The following FSTL5 variants were observed in gnomAD, a reference collection of about 807,000 sequenced individuals.
FSTL5 encodes the protein follistatin-related protein 5.
Under a neutral mutation model 89.1 loss-of-function variants are expected in FSTL5, and 62 were observed. The observed-to-expected ratio is 0.70, with a 90% CI of 0.57 to 0.86. The LOEUF is 0.86. Ranked by LOEUF, FSTL5 falls within the 40% of genes least tolerant of loss-of-function variation. The probability of loss-of-function intolerance (pLI) is 0.00; values close to 1 mark genes in which losing one functional copy is unlikely to be tolerated. For synonymous variants in FSTL5, 383 were observed against 346.2 expected, an observed-to-expected ratio of 1.11 and a Z score of -1.18; for missense variants, 1,057 against 1,001.6, an observed-to-expected ratio of 1.06 and a Z score of -0.75.
At chr4:162,138,170 C>A (rs1339057137) in intron 1 of FSTL5, among the ~76,000 whole-genome samples, 1 of 152,032 alleles carries the variant, frequency 6.6e-6, no homozygotes, top group East Asian at 1.9e-4. Flanking sequence ...TCTACAGAAG[C>A]CTTCTTGCTC....
chr4:162,163,667 A>G lies in FSTL5; in HGVS notation c.-69T>C, dbSNP rs1252197473. On this transcript the variant is annotated 5_prime_UTR_variant, in exon 1 of 16. Coordinates refer to ENST00000306100, the MANE Select transcript of FSTL5 (RefSeq NM_020116.5). ...CAGAAAGATTCCTAAACGCTGTGGAAATATAAATCACAATAAAAAAAAAAA... is the reference window on the plus strand; with the variant it reads ...CAGAAAGATTCCTAAACGCTGTGGAGATATAAATCACAATAAAAAAAAAAA... 1.3e-5 allele frequency: 2 copies of G among 148,652 alleles called. No individual in the cohort carries two copies. The highest frequency in any genetic ancestry group is 4.1e-4 in the East Asian group (2 of 4,904). The allele number at this position is 148,652 out of a possible 1,614,324, so 9.2% of individuals were successfully genotyped here. A position where few individuals can be genotyped will look rare whatever the true frequency, so the allele number is the denominator to read the frequency against.
chr4:161,840,969 C>T (rs990170146), intron 4 of FSTL5, among the ~76,000 whole-genome samples: 3 of 152,056 alleles, frequency 2.0e-5, no homozygotes, highest in African/African-American at 7.2e-5. Context: ...GCTATTTCTC[C>T]CCCAACACCT....
intron 7 of FSTL5, among the ~76,000 whole-genome samples, chr4:161,606,989 T>C (rs914045527): frequency 6.6e-5 from 10 of 152,148 alleles, no homozygotes; most frequent in African/African-American, 2.4e-4. Context: ...ATTTCCTCAT[T>C]AGGAGAGGCT....
chr4:162,056,399 T>A (rs980852007), intron 2 of FSTL5, among the ~76,000 whole-genome samples: 2 of 151,340 alleles, frequency 1.3e-5, no homozygotes, highest in African/African-American at 4.9e-5. Flanking sequence ...CAGGTATTCT[T>A]GGAGATAGCA....
rs541270034 is a variant in FSTL5, at chr4:161,670,286, A to G, written c.728-13792T>C. Among the ~76,000 whole-genome samples the G allele has an allele frequency of 1.8e-3, 280 of 152,264 alleles. 2 individuals are homozygous for G. The highest frequency in any genetic ancestry group is 0.01 in the South Asian group (49 of 4,826). ...ATCAGTTAATCAATACCCATTTCCT[A>G]TATGTTAACAAATGTGTTCAGTGCC... On this transcript the variant is annotated intron_variant, in intron 6 of 15. Transcript: ENST00000306100.
At chr4:162,086,234 G>A (rs147785834) in intron 2 of FSTL5, among the ~76,000 whole-genome samples, 111 of 152,026 alleles carry the variant, frequency 7.3e-4, no homozygotes, top group African/African-American at 2.5e-3. Flanking sequence ...CTCTCTGAAT[G>A]TCTTTATTTA....
chr4:161,486,614 T>A (rs556054783), intron 12 of FSTL5, among the ~76,000 whole-genome samples: 5 of 151,242 alleles, frequency 3.3e-5, no homozygotes, highest in Admixed American at 1.4e-4. Flanking sequence ...TACCCACTTG[T>A]TGTAACTGAA....
chr4:161,528,479 A>G (rs957217134), intron 10 of FSTL5, among the ~76,000 whole-genome samples: 8 of 142,884 alleles, frequency 5.6e-5, no homozygotes, highest in African/African-American at 1.5e-4. Flanking sequence ...GAATTCTGGT[A>G]TTTGGGTAAA....
chr4:161,631,120 A>C (rs2126656030), intron 7 of FSTL5, among the ~76,000 whole-genome samples: 1 of 152,292 alleles, frequency 6.6e-6, no homozygotes, highest in South Asian at 2.1e-4. Context: ...CCGGTGCCTT[A>C]TACCAAGATC....
intron 3 of FSTL5, among the ~76,000 whole-genome samples, chr4:161,932,645 T>C (rs1440625045): frequency 6.6e-6 from 1 of 151,960 alleles, no homozygotes; most frequent in South Asian, 2.1e-4. Context: ...TATAGCTCTA[T>C]AACTTTTGTT....
chr4:161,467,789 G>T (rs1056429774), intron 13 of FSTL5, among the ~76,000 whole-genome samples: 10 of 152,038 alleles, frequency 6.6e-5, no homozygotes, highest in African/African-American at 2.4e-4. Flanking sequence ...CTAAAGAGGC[G>T]CACAGGCTGA....
At chr4:161,778,508 A>T (rs1443261329) in intron 4 of FSTL5, among the ~76,000 whole-genome samples, 1 of 152,194 alleles carries the variant, frequency 6.6e-6, no homozygotes, top group Non-Finnish European at 1.5e-5. Context: ...TTCTCTTTCG[A>T]GACAAAATGG....
At chr4:161,690,242 A>G (rs1366124662) in intron 6 of FSTL5, among the ~76,000 whole-genome samples, 2 of 152,142 alleles carry the variant, frequency 1.3e-5, no homozygotes, top group African/African-American at 4.8e-5. Flanking sequence ...GTAGGGTTCC[A>G]ATTTTCTACC....
chr4:161,777,060 T>A (rs1741435931), intron 4 of FSTL5, among the ~76,000 whole-genome samples: 1 of 151,940 alleles, frequency 6.6e-6, no homozygotes, highest in Non-Finnish European at 1.5e-5. Flanking sequence ...CTGGTAACCA[T>A]CACTTTACTC....
chr4:161,806,019 G>T (rs563455774), intron 4 of FSTL5, among the ~76,000 whole-genome samples: 1 of 151,906 alleles, frequency 6.6e-6, no homozygotes, highest in African/African-American at 2.4e-5. Flanking sequence ...ATTAAACTTT[G>T]TCATAGGTAT....
chr4:161,659,379 C>A (rs927456224), intron 6 of FSTL5, among the ~76,000 whole-genome samples: 1 of 152,074 alleles, frequency 6.6e-6, no homozygotes, highest in Non-Finnish European at 1.5e-5. Context: ...ATCAAATGGG[C>A]TTTTCCTGAA....
chr4:161,740,733 C>T (rs1487345197), intron 6 of FSTL5, among the ~76,000 whole-genome samples: 1 of 152,066 alleles, frequency 6.6e-6, no homozygotes, highest in Non-Finnish European at 1.5e-5. Flanking sequence ...TTGTTTCATT[C>T]ATAAAATAGG....
intron 1 of FSTL5, among the ~76,000 whole-genome samples, chr4:162,115,157 C>G (rs1049123269): frequency 2.0e-5 from 3 of 152,092 alleles, no homozygotes; most frequent in Admixed American, 6.6e-5. Context: ...AGTTTCTGTG[C>G]TCCTCTTTTG....
intron 3 of FSTL5, among the ~76,000 whole-genome samples, chr4:161,976,413 G>A (rs1397309396): frequency 2.6e-5 from 4 of 152,140 alleles, no homozygotes; most frequent in Non-Finnish European, 5.9e-5. Context: ...ATTTCTCAGT[G>A]TGGGACTCAG....
Sources: allele counts gnomAD v4.1 joint callset (sites outside exome capture counted in the v4.1 genomes callset), GRCh38; gene constraint gnomAD v4.1.1; transcripts MANE v1.5; gene names NCBI Gene and HGNC (gene_info 2026-07-23, HGNC 2026-07-21).